The following PPM1H variants were observed in gnomAD, a reference collection of about 807,000 sequenced individuals.
PPM1H encodes protein phosphatase, Mg2+/Mn2+ dependent 1H, also known as protein phosphatase 1H.
PPM1H carries 27 observed loss-of-function variants against 54.9 expected under a neutral mutation model. The observed-to-expected ratio is 0.49, with a 90% CI of 0.36 to 0.68. PPM1H has a LOEUF of 0.68. Among genes scored for constraint, PPM1H ranks in the 30% least tolerant of loss-of-function variants. The pLI, the probability that PPM1H is intolerant of heterozygous loss-of-function variation, is 0.00. For missense variants in PPM1H, 596 were observed against 667.8 expected (o/e 0.89, Z 1.19); for synonymous variants, 305 against 270.8 (o/e 1.13, Z -1.24).
chr12:62,701,405 C>A (rs919437025), intron 6 of PPM1H, among the ~76,000 whole-genome samples: 1 of 152,218 alleles, frequency 6.6e-6, no homozygotes, highest in Admixed American at 6.5e-5. Flanking sequence ...TATAGGACTT[C>A]TCCACCATAA....
At chr12:62,920,662 CTTCT>C (rs957393735) in intron 1 of PPM1H, among the ~76,000 whole-genome samples, 14 of 151,862 alleles carry the variant, frequency 9.2e-5, no homozygotes, top group Admixed American at 5.3e-4. Context: ...TTAATAGTCC[CTTCT>C]TTATTAATGT....
Position 62,646,412 on chromosome 12 carries a change from C to G in PPM1H, c.*2077G>C, listed in dbSNP as rs187434570. The G allele has an allele frequency of 3.3e-5, 5 of 152,300 alleles. No individual in the cohort carries two copies. Among genetic ancestry groups the G allele is most frequent in the Admixed American group, 3.3e-4 (5 of 15,302 alleles). The allele number at this position is 152,300 out of a possible 1,614,324, so 9.4% of individuals were successfully genotyped here. ...AAATAAATGAAAGACGGTGGGGACA[C>G]AGGAAGGATCCCAAAGACGGCAGCT... On this transcript the variant is annotated 3_prime_UTR_variant, in exon 10 of 10. Coordinates refer to ENST00000228705, the MANE Select transcript of PPM1H (RefSeq NM_020700.2).
intron 1 of PPM1H, among the ~76,000 whole-genome samples, chr12:62,894,285 G>A (rs560188025): frequency 6.6e-6 from 1 of 152,294 alleles, no homozygotes; most frequent in Admixed American, 6.5e-5. Context: ...GAACCAAAAG[G>A]GAGAAGGGCT....
chr12:62,832,269 C>T lies in PPM1H; in HGVS notation c.256G>A (p.Ala86Thr), dbSNP rs761701259. The stretch of plus-strand genomic sequence containing the variant: ...TCTTCATTGTGTGTGCTCTTCCCGG[C>T]ATTGATAACCCTGGAGAAGAAGCCG... ...WATGYAEVIN[A>T]GKSTHNEDQA... The change falls in exon 2 of 10, where the codon GCC becomes ACC. Residue 86 changes from alanine (A) to threonine (T), a missense_variant. Physicochemically the swap from Ala to Thr is moderately conservative, Grantham distance 58 (BLOSUM62 0). Around this residue, in one of 3 missense-constraint regions of PPM1H, gnomAD observed 382 missense variants for 387.1 expected, o/e 0.99. Transcript: ENST00000228705. 1 of 1,611,310 alleles carries T rather than the reference C, an allele frequency of 6.2e-7. No individual in the cohort carries two copies. The highest frequency in any genetic ancestry group is 8.5e-7 in the Non-Finnish European group (1 of 1,178,700).
chr12:62,713,297 A>T (rs539116038), intron 6 of PPM1H, among the ~76,000 whole-genome samples: 73 of 152,288 alleles, frequency 4.8e-4, no homozygotes, highest in African/African-American at 1.8e-3. Flanking sequence ...CAGGGCCTGA[A>T]TTACTCCCCA....
chr12:62,799,336 G>C (rs2120737939), intron 3 of PPM1H, among the ~76,000 whole-genome samples: 1 of 152,276 alleles, frequency 6.6e-6, no homozygotes, highest in East Asian at 1.9e-4. Context: ...GGACAAAATT[G>C]AGAATGCAGC....
chr12:62,826,183 C>T (rs1868289418), intron 2 of PPM1H, among the ~76,000 whole-genome samples: 1 of 152,194 alleles, frequency 6.6e-6, no homozygotes, highest in Non-Finnish European at 1.5e-5. Context: ...GGTGCAGTGG[C>T]TCACGTCTGT....
intron 4 of PPM1H, among the ~76,000 whole-genome samples, chr12:62,760,141 C>A (rs2076499797): frequency 6.6e-6 from 1 of 152,138 alleles, no homozygotes; most frequent in Non-Finnish European, 1.5e-5. Context: ...GACAATGGTT[C>A]TAAATAGCCA....
intron 4 of PPM1H, among the ~76,000 whole-genome samples, chr12:62,741,084 C>T (rs1232275873): frequency 6.6e-6 from 1 of 152,186 alleles, no homozygotes; most frequent in Non-Finnish European, 1.5e-5. Flanking sequence ...ATCCTGTCCC[C>T]AGCCCCCTCC....
intron 9 of PPM1H, among the ~76,000 whole-genome samples, chr12:62,651,305 A>G (rs1310144575): frequency 6.6e-6 from 1 of 151,724 alleles, no homozygotes; most frequent in Non-Finnish European, 1.5e-5. Flanking sequence ...CAGACACTCA[A>G]AGATGTCAAA....
At position 62,778,673 on chromosome 12, in the gene PPM1H, G is replaced by T. The variant is rs182355086; in HGVS notation, c.869+9553C>A. Among the ~76,000 whole-genome samples, 118 of 152,326 alleles carry T rather than the reference G, an allele frequency of 7.7e-4. No homozygotes were observed. The East Asian group carries it at 0.018, about 23-fold the overall frequency. ...AGTCACAGAAACATAATGCTTTGCT[G>T]GGTGTGATGGTTCATGCCTATAATC... is the stretch of plus-strand genomic sequence containing the variant. On this transcript the variant is annotated intron_variant, in intron 4 of 9. Transcript: ENST00000228705.
chr12:62,825,130 T>G (rs998309762), intron 2 of PPM1H, among the ~76,000 whole-genome samples: 1 of 151,698 alleles, frequency 6.6e-6, no homozygotes, highest in Non-Finnish European at 1.5e-5. Flanking sequence ...AACACACACA[T>G]GAAAAAAATC....
chr12:62,804,676 C>T (rs2663958), intron 2 of PPM1H, among the ~76,000 whole-genome samples: 8,486 of 115,696 alleles, frequency 0.073, 639 homozygotes, highest in African/African-American at 0.2. Context: ...CTTTTTTTTT[C>T]TTTTTTTTTT....
intron 8 of PPM1H, among the ~76,000 whole-genome samples, chr12:62,668,537 A>G (rs929020991): frequency 6.6e-6 from 1 of 152,108 alleles, no homozygotes; most frequent in Non-Finnish European, 1.5e-5. Context: ...CACTACACCC[A>G]GCTAATTTTT....
At chr12:62,916,898 A>G (rs1871641517) in intron 1 of PPM1H, among the ~76,000 whole-genome samples, 2 of 151,082 alleles carry the variant, frequency 1.3e-5, no homozygotes, top group Non-Finnish European at 2.9e-5. Flanking sequence ...TAACATCTGA[A>G]ATGAACAGAC....
chr12:62,900,625 G>C (rs903735060), intron 1 of PPM1H, among the ~76,000 whole-genome samples: 1 of 151,024 alleles, frequency 6.6e-6, no homozygotes, highest in Non-Finnish European at 1.5e-5. Context: ...AAAGGACTAC[G>C]TGGAAACGAA....
chr12:62,773,189 T>C (rs1285155647), intron 4 of PPM1H, among the ~76,000 whole-genome samples: 2 of 150,934 alleles, frequency 1.3e-5, no homozygotes, highest in Non-Finnish European at 2.9e-5. Context: ...CACAAAGGCA[T>C]GAAGCCTGGG....
At chr12:62,795,012 T>C (rs924413077) in intron 3 of PPM1H, among the ~76,000 whole-genome samples, 5 of 152,098 alleles carry the variant, frequency 3.3e-5, no homozygotes, top group African/African-American at 4.8e-5. Flanking sequence ...AGATCTGAGA[T>C]ACAATCAGGG....
intron 5 of PPM1H, among the ~76,000 whole-genome samples, chr12:62,726,319 T>C (rs1340249328): frequency 6.6e-6 from 1 of 152,238 alleles, no homozygotes; most frequent in African/African-American, 2.4e-5. Context: ...CATAAAAGTT[T>C]ATATAGTCTT....
Sources: gnomAD v4.1 joint callset for allele counts (sites outside exome capture counted in the v4.1 genomes callset) on GRCh38, gnomAD v4.1.1 for gene constraint, gnomAD v4.1.1 regional missense constraint, MANE v1.5 for transcripts, NCBI Gene and HGNC (gene_info 2026-07-23, HGNC 2026-07-21) for gene names.